RTL4: variants seen among roughly 807,000 people sequenced by gnomAD.
RTL4 encodes retrotransposon Gag like 4.
Under a neutral mutation model 5.3 loss-of-function variants are expected in RTL4, and 4 were observed. The ratio of observed to expected loss-of-function variants is 0.75; its 90% confidence interval spans 0.37 to 1.72. The LOEUF is 1.72. Ranked by LOEUF, RTL4 falls within the 40% of genes most tolerant of loss-of-function variation. The pLI is 0.04. For synonymous variants in RTL4, 98 were observed against 87.3 expected, an observed-to-expected ratio of 1.12 and a Z score of -0.68; for missense variants, 260 against 227.1, an observed-to-expected ratio of 1.14 and a Z score of -0.93.
At chrX:112,128,261 C>T in the RTL4 span, among the ~76,000 whole-genome samples, 3 of 111,524 alleles carry the variant, frequency 2.7e-5, no homozygotes, top group East Asian at 2.8e-4. Context: ...AGAAATAAAC[C>T]TGTACATTTA....
At chrX:112,219,521 G>A in the RTL4 span, among the ~76,000 whole-genome samples, 1 of 111,973 alleles carries the variant, frequency 8.9e-6, no homozygotes, top group East Asian at 2.8e-4. Flanking sequence ...CCTCTTTCAG[G>A]TATGAGCTTT....
the RTL4 span, among the ~76,000 whole-genome samples, chrX:112,236,482 G>A: frequency 1.1e-4 from 9 of 80,089 alleles, no homozygotes; most frequent in African/African-American, 4.4e-4. Flanking sequence ...TATAGATATA[G>A]ATCTATATCT....
At chrX:112,201,829 T>A in the RTL4 span, among the ~76,000 whole-genome samples, 1 of 111,696 alleles carries the variant, frequency 9.0e-6, no homozygotes, top group Non-Finnish European at 1.9e-5. Context: ...TACAGAGATA[T>A]CCCAAGTACA....
chrX:112,312,639 T>C, the RTL4 span, among the ~76,000 whole-genome samples: 1 of 111,573 alleles, frequency 9.0e-6, no homozygotes, highest in Non-Finnish European at 1.9e-5. Context: ...AAATCCTACA[T>C]ACAGATTAAC....
the RTL4 span, among the ~76,000 whole-genome samples, chrX:112,159,589 TTGAC>T: frequency 6.2e-5 from 7 of 112,287 alleles, no homozygotes; most frequent in Non-Finnish European, 3.8e-5. Flanking sequence ...TATTTAATGA[TTGAC>T]TGGCCAAGGT....
chrX:112,333,486 T>C, the RTL4 span, among the ~76,000 whole-genome samples: 1 of 111,849 alleles, frequency 8.9e-6, no homozygotes, highest in Admixed American at 9.5e-5. Context: ...TTGTATACCT[T>C]AAATACAGTT....
the RTL4 span, among the ~76,000 whole-genome samples, chrX:112,127,475 G>T: frequency 8.9e-6 from 1 of 111,742 alleles, no homozygotes; most frequent in African/African-American, 3.2e-5. Context: ...TTCATCACAT[G>T]TTTAATGGAG....
the RTL4 span, among the ~76,000 whole-genome samples, chrX:112,303,539 T>C: frequency 1.1e-5 from 1 of 89,121 alleles, no homozygotes; most frequent in African/African-American, 4.4e-5. Context: ...TTCTCACTCA[T>C]AGATGGGAAT....
the RTL4 span, among the ~76,000 whole-genome samples, chrX:112,271,049 G>GAA: frequency 0.013 from 808 of 60,753 alleles, 18 homozygotes; most frequent in African/African-American, 0.042. Flanking sequence ...CCTGGAGACA[G>GAA]AAAAAAAAAA....
At chrX:112,265,143 C>T in the RTL4 span, among the ~76,000 whole-genome samples, 1 of 112,895 alleles carries the variant, frequency 8.9e-6, no homozygotes, top group Middle Eastern at 4.2e-3. Context: ...GGATAGGCCA[C>T]CAGGCCAGGA....
the RTL4 span, among the ~76,000 whole-genome samples, chrX:112,182,197 C>T: frequency 9.0e-6 from 1 of 111,639 alleles, no homozygotes; most frequent in African/African-American, 3.3e-5. Context: ...CATCAAAGAC[C>T]AAAGGTAGCT....
At chrX:112,144,087 G>A in the RTL4 span, among the ~76,000 whole-genome samples, 1 of 111,266 alleles carries the variant, frequency 9.0e-6, no homozygotes, top group Non-Finnish European at 1.9e-5. Context: ...AATATTTCCA[G>A]GTATATCATC....
At chrX:112,346,513 A>G in the RTL4 span, among the ~76,000 whole-genome samples, 1 of 111,705 alleles carries the variant, frequency 9.0e-6, no homozygotes, top group African/African-American at 3.2e-5. Context: ...TTAATGGAAA[A>G]GGTACAACAC....
the RTL4 span, among the ~76,000 whole-genome samples, chrX:112,205,857 A>G: frequency 4.5e-5 from 5 of 112,282 alleles, no homozygotes; most frequent in African/African-American, 1.6e-4. Context: ...TGGTCTAGCA[A>G]GATAGGCAAG....
At chrX:112,409,994 C>T in the RTL4 span, among the ~76,000 whole-genome samples, 2 of 108,743 alleles carry the variant, frequency 1.8e-5, no homozygotes, top group African/African-American at 6.7e-5. Context: ...TAACACTGTA[C>T]CTGTAAAGAC....
the RTL4 span, among the ~76,000 whole-genome samples, chrX:112,249,841 C>T: frequency 1.9e-5 from 2 of 107,397 alleles, no homozygotes; most frequent in Non-Finnish European, 3.8e-5. Flanking sequence ...ATAATCAGTC[C>T]AATTTTTCTA....
chrX:112,357,541 A>C, the RTL4 span, among the ~76,000 whole-genome samples: 3 of 112,079 alleles, frequency 2.7e-5, no homozygotes, highest in African/African-American at 9.7e-5. Flanking sequence ...AAAACAAAAC[A>C]AAAAGATCAA....
At chrX:112,145,193 T>C in the RTL4 span, among the ~76,000 whole-genome samples, 4 of 111,934 alleles carry the variant, frequency 3.6e-5, no homozygotes, top group Non-Finnish European at 7.5e-5. Context: ...TTATTGTACA[T>C]TCATTATGAG....
the RTL4 span, among the ~76,000 whole-genome samples, chrX:112,118,859 A>G: frequency 4.5e-5 from 5 of 111,395 alleles, no homozygotes; most frequent in African/African-American, 1.3e-4. Flanking sequence ...GATGTTTGAT[A>G]AAACCAGCAA....
Sources: allele counts gnomAD v4.1 joint callset (sites outside exome capture counted in the v4.1 genomes callset), GRCh38; gene constraint gnomAD v4.1.1; transcripts MANE v1.5; gene names NCBI Gene and HGNC (gene_info 2026-07-23, HGNC 2026-07-21).